CEP78: variants seen among roughly 807,000 people sequenced by gnomAD.
CEP78 encodes centrosomal protein of 78 kDa.
Under a neutral mutation model 81.2 loss-of-function variants are expected in CEP78, and 76 were observed. The ratio of observed to expected loss-of-function variants is 0.94; its 90% CI spans 0.78 to 1.13. The LOEUF is 1.13. CEP78 is among the 50% of genes most tolerant of loss of function. The probability of loss-of-function intolerance (pLI) is 0.00; values close to 1 mark genes in which losing one functional copy is unlikely to be tolerated. For synonymous variants in CEP78, 293 were observed against 301.4 expected, an observed-to-expected ratio of 0.97 and a Z score of 0.29; for missense variants, 918 against 846.8, an observed-to-expected ratio of 1.08 and a Z score of -1.04.
intron 1 of CEP78, among the ~76,000 whole-genome samples, chr9:78,237,907 C>G (rs905672523): frequency 2.5e-4 from 35 of 140,666 alleles, no homozygotes; most frequent in Non-Finnish European, 4.5e-4. Flanking sequence ...GTCAGGAGTT[C>G]GAGACCAGGC....
intron 8 of CEP78, 99 bp from the exon 9 acceptor site, chr9:78,251,809 G>A: frequency 1.0e-6 from 1 of 970,714 alleles, no homozygotes; most frequent in East Asian, 2.6e-5. Context: ...GTCATTGTCA[G>A]GTGCCCATTT....
At position 78,279,066 on chromosome 9, in the gene CEP78, G is replaced by GGAAAAAA. The variant is rs781493274; in HGVS notation, c.*8215_*8216insGAAAAAA. 2.7e-4 allele frequency: 33 copies of GGAAAAAA among 121,630 alleles called. No homozygotes were observed. Among genetic ancestry groups the GGAAAAAA allele is most frequent in the Admixed American group, 1.2e-3 (15 of 12,094 alleles). The allele number at this position is 121,630 out of a possible 1,614,324, so 7.5% of individuals were successfully genotyped here. The stretch of plus-strand genomic sequence containing the variant: ...TGTACATTTTAAACCACTGTGAACT[G>GGAAAAAA]AAAAAAAAAAAAAAGGCAACCTTGG... On this transcript the variant is annotated 3_prime_UTR_variant, in exon 17 of 17. Transcript: ENST00000643273.
chr9:78,236,799 G>A (rs1028094160), intron 1 of CEP78, 196 bp downstream of exon 1: 2 of 615,478 alleles, frequency 3.2e-6, no homozygotes, highest in Non-Finnish European at 5.1e-6. Context: ...CGAGACCCAG[G>A]TTATGTGCGC....
In CEP78 at chr9:78,266,638, G is replaced by T; in HGVS notation, c.2042G>T (p.Ser681Ile). Reference sequence around the variant, plus strand: ...CCAGATGCGACTTCTGGAACTGGAAGTCAAAGAAAAGAAGAGGAGTTGTCC... The same window carrying T: ...CCAGATGCGACTTCTGGAACTGGAATTCAAAGAAAAGAAGAGGAGTTGTCC... ...PSPDATSGTG[S>I]QRKEEELSRN... The change falls in exon 16 of 17, where the codon AGT becomes ATT. Residue 681 changes from serine to isoleucine, a missense_variant. Physicochemically the swap from Ser to Ile is moderately radical, Grantham distance 142. Coordinates refer to ENST00000643273, the MANE Select transcript of CEP78 (RefSeq NM_001330691.3). The T allele has an allele frequency of 6.2e-7, 1 of 1,612,712 alleles. No homozygotes were observed. Among genetic ancestry groups the T allele is most frequent in the South Asian group, 1.1e-5 (1 of 90,900 alleles).
Position 78,273,766 on chromosome 9 carries a change from C to T in CEP78, c.*2915C>T, listed in dbSNP as rs1827747760. The T allele has an allele frequency of 6.6e-6, 1 of 152,048 alleles. No homozygotes were observed. Among genetic ancestry groups the T allele is most frequent in the Non-Finnish European group, 1.5e-5 (1 of 67,990 alleles). The allele number at this position is 152,048 out of a possible 1,614,324, so 9.4% of individuals were successfully genotyped here. On this transcript the variant is annotated 3_prime_UTR_variant, in exon 17 of 17. Transcript: ENST00000643273. ...GTCTCAAACAAACAAAAACCTTCAT[C>T]TTAAAATTATAGGGTAAGAATTTAG...
rs1827729671 is a variant in CEP78, at chr9:78,273,152, G to GT, written c.*2307dup. The GT allele has an allele frequency of 6.6e-6, 1 of 152,140 alleles. No individual in the cohort carries two copies. The highest frequency in any genetic ancestry group is 1.5e-5 in the Non-Finnish European group (1 of 68,028). 9.4% of individuals were successfully genotyped at this position (152,140 alleles called of 1,614,324 possible). A position where few individuals can be genotyped will look rare whatever the true frequency, so the allele number is the denominator to read the frequency against. The stretch of plus-strand genomic sequence containing the variant: ...AAAATCCACAATATAGCAAGATCAA[G>GT]TTTTTTACTCATAATAAACATGAAC... On this transcript the variant is annotated 3_prime_UTR_variant, in exon 17 of 17. Coordinates refer to ENST00000643273, the MANE Select transcript of CEP78 (RefSeq NM_001330691.3).
At chr9:78,263,970 G>T in intron 12 of CEP78, 180 bp from the exon 13 acceptor site, 1 of 386,654 alleles carries the variant, frequency 2.6e-6, no homozygotes. Context: ...TTATGTAGGA[G>T]GTTTTGTCAG....
intron 4 of CEP78, 37 bp from the exon 5 acceptor site, chr9:78,243,425 C>G (rs1826321635): frequency 1.9e-6 from 3 of 1,565,356 alleles, no homozygotes; most frequent in South Asian, 2.3e-5. Flanking sequence ...ATCTCTTTAT[C>G]CAAGTGTATT....
chr9:78,244,410 G>A (rs1447557707), intron 5 of CEP78, among the ~76,000 whole-genome samples: 3 of 152,118 alleles, frequency 2.0e-5, no homozygotes, highest in African/African-American at 7.2e-5. Flanking sequence ...TTCCAGGCAT[G>A]AGCCACTGTG....
rs1340049522 is a variant in CEP78 at position 78,241,750 on chromosome 9, G to T, written c.554G>T (p.Gly185Val). The change falls in exon 4 of 17, where the codon GGA becomes GTA. Residue 185 changes from glycine (G) to valine (V), a missense_variant. Coordinates refer to ENST00000643273, the MANE Select transcript of CEP78 (RefSeq NM_001330691.3). ...ACTCTTAAGACAGTCAACTTCACAG[G>T]ATGTAATCTGACATGGCAGGGAGCA... is the stretch of plus-strand genomic sequence containing the variant. ...SITLKTVNFT[G>V]CNLTWQGADH... 6.2e-7 allele frequency: 1 copy of T among 1,610,940 alleles called. No homozygotes were observed. Among genetic ancestry groups the T allele is most frequent in the South Asian group, 1.1e-5 (1 of 90,900 alleles).
intron 16 of CEP78, among the ~76,000 whole-genome samples, chr9:78,269,875 A>G (rs941181305): frequency 6.6e-6 from 1 of 152,218 alleles, no homozygotes; most frequent in Non-Finnish European, 1.5e-5. Context: ...GGAGAGGCTC[A>G]TTTATGCAGC....
chr9:78,268,556 C>G (rs537619488), intron 16 of CEP78, among the ~76,000 whole-genome samples: 5 of 152,228 alleles, frequency 3.3e-5, no homozygotes, highest in African/African-American at 1.2e-4. Context: ...CCACACTTTT[C>G]TGAAGAGCAT....
At position 78,236,434 on chromosome 9, in the gene CEP78, G is replaced by C. The variant is rs10867166; in HGVS notation, c.84G>C (p.Ser28=). 0.37 allele frequency: 585,706 copies of C among 1,599,716 alleles called. 109,686 individuals carry two copies. Among genetic ancestry groups the C allele is most frequent in the Middle Eastern group, 0.4 (2,413 of 6,038 alleles). ...AGTACCTGTGCGCGCTGCAGAACTC[G>C]GTGCCGCTGCCCGCCGTGCGCGCCT... ...HYEYLCALQN[S]VPLPAVRACL... is the part of the protein sequence containing the mutation. The change falls in exon 1 of 17, where the codon TCG becomes TCC. Residue 28 remains serine, a synonymous_variant. Transcript: ENST00000643273.
At chr9:78,249,313 C>G (rs1176050471) in intron 8 of CEP78, 2 of 152,358 alleles carry the variant, frequency 1.3e-5, no homozygotes, top group Non-Finnish European at 2.9e-5. Flanking sequence ...CCTCCTCCTT[C>G]CTTGCAAATT....
rs1276757303 is a variant in CEP78, at chr9:78,275,169, G to A, written c.*4318G>A. On this transcript the variant is annotated 3_prime_UTR_variant, in exon 17 of 17. Transcript: ENST00000643273. Reference sequence around the variant, plus strand: ...CTTTTATAATTTACTATAAATAATTGTGTAGTGTTAAACCAATAAATTTGA... The same window carrying A: ...CTTTTATAATTTACTATAAATAATTATGTAGTGTTAAACCAATAAATTTGA... 6.6e-6 allele frequency: 1 copy of A among 152,136 alleles called. No homozygotes were observed. 9.4% of individuals were successfully genotyped at this position (152,136 alleles called of 1,614,324 possible).
chr9:78,268,705 TG>T (rs1339087445), intron 16 of CEP78, among the ~76,000 whole-genome samples: 1 of 145,044 alleles, frequency 6.9e-6, no homozygotes, highest in Admixed American at 7.4e-5. Flanking sequence ...TTTTTTGAGA[TG>T]GAGTCTTGCT....
At chr9:78,258,983 G>T (rs957290733) in intron 11 of CEP78, among the ~76,000 whole-genome samples, 2 of 152,104 alleles carry the variant, frequency 1.3e-5, no homozygotes, top group Non-Finnish European at 2.9e-5. Context: ...AATACGTTGG[G>T]ACCCAACAAG....
chr9:78,257,680 C>T (rs1294025676), intron 11 of CEP78, among the ~76,000 whole-genome samples: 1 of 152,128 alleles, frequency 6.6e-6, no homozygotes, highest in Non-Finnish European at 1.5e-5. Context: ...GAACATAAAA[C>T]AAATTAAACT....
chr9:78,247,533 T>C (rs909123656), intron 6 of CEP78, among the ~76,000 whole-genome samples: 2 of 152,234 alleles, frequency 1.3e-5, no homozygotes, highest in African/African-American at 4.8e-5. Context: ...GCCAGGGGCC[T>C]GATCTTGTAA....
Sources: gnomAD v4.1 joint callset for allele counts (sites outside exome capture counted in the v4.1 genomes callset) on GRCh38, gnomAD v4.1.1 for gene constraint, MANE v1.5 for transcripts, NCBI Gene and HGNC (gene_info 2026-07-23, HGNC 2026-07-21) for gene names.